The following GULP1 variants were observed in gnomAD, a reference collection of about 807,000 sequenced individuals.
GULP1 encodes GULP PTB domain containing engulfment adaptor 1, also known as PTB domain-containing engulfment adapter protein 1.
GULP1 carries 19 observed loss-of-function variants against 40.9 expected under a neutral mutation model. The observed-to-expected ratio is 0.46, with a 90% confidence interval of 0.32 to 0.68. GULP1 has a LOEUF of 0.68. Among genes scored for constraint, GULP1 ranks in the 30% least tolerant of loss-of-function variants. GULP1 has a pLI of 0.03. For synonymous variants in GULP1, 119 were observed against 117.6 expected, an observed-to-expected ratio of 1.01 and a Z score of -0.08; for missense variants, 312 against 362.2, an observed-to-expected ratio of 0.86 and a Z score of 1.12.
intron 2 of GULP1, among the ~76,000 whole-genome samples, chr2:188,470,535 A>T (rs1208122112): frequency 6.6e-6 from 1 of 151,800 alleles, no homozygotes; most frequent in East Asian, 1.9e-4. Context: ...TTCTTTTTTG[A>T]TGGAGTCACT....
rs554073638 is a variant in GULP1 at position 188,312,443 on chromosome 2, C to T, written c.-172+20277C>T. Among the ~76,000 whole-genome samples, 4 of 152,214 alleles carry T rather than the reference C, an allele frequency of 2.6e-5. No homozygotes were observed. In the South Asian group the frequency reaches 8.3e-4, roughly 32 times the overall value. On this transcript the variant is annotated intron_variant, in intron 1 of 11. Transcript: ENST00000409830. ...TTAGTTTGCTGAGGATGATGGCTTC[C>T]AGCTTCATCCATGTCCCTGCAAAGG...
intron 4 of GULP1, among the ~76,000 whole-genome samples, chr2:188,484,141 C>T (rs1220629761): frequency 6.6e-6 from 1 of 152,058 alleles, no homozygotes; most frequent in African/African-American, 2.4e-5. Context: ...CTCCTGACCT[C>T]AAGTGGTCCA....
chr2:188,332,583 G>A (rs556263935), intron 1 of GULP1, among the ~76,000 whole-genome samples: 2 of 152,214 alleles, frequency 1.3e-5, no homozygotes, highest in South Asian at 4.1e-4. Context: ...TACTATAGCA[G>A]GGGAAGAAAA....
rs1698472436 is a variant in GULP1 at position 188,569,117 on chromosome 2, G to C, written c.400-122G>C. The C allele has an allele frequency of 6.3e-6, 4 of 633,260 alleles. No individual in the cohort carries two copies. The East Asian group carries it at 1.1e-4, about 18-fold the overall frequency. The allele number at this position is 633,260 out of a possible 1,614,324, so 39.2% of individuals were successfully genotyped here. A position where few individuals can be genotyped will look rare whatever the true frequency, so the allele number is the denominator to read the frequency against. On this transcript the variant is annotated intron_variant, in intron 7 of 11. Transcript: ENST00000409830. ...TAATACATCTCTACTCCCAACTGTT[G>C]CCCTTTTGAAGTACCTCTTGTGAAT... is the stretch of plus-strand genomic sequence containing the variant.
At chr2:188,408,150 G>A (rs6737728) in intron 2 of GULP1, among the ~76,000 whole-genome samples, 26,657 of 152,074 alleles carry the variant, frequency 0.18, 2,414 homozygotes, top group East Asian at 0.24. Flanking sequence ...ACAAGCAGCA[G>A]AAGAGAGACC....
At chr2:188,473,112 CTCT>C (rs796467481) in intron 2 of GULP1, among the ~76,000 whole-genome samples, 23 of 152,212 alleles carry the variant, frequency 1.5e-4, no homozygotes, top group African/African-American at 4.8e-4. Flanking sequence ...TTGACCTCTT[CTCT>C]TCTTCTTTTC....
intron 7 of GULP1, among the ~76,000 whole-genome samples, chr2:188,548,752 A>C (rs1395292260): frequency 6.6e-6 from 1 of 151,906 alleles, no homozygotes; most frequent in Non-Finnish European, 1.5e-5. Context: ...AAGAGTGAAC[A>C]TATAAATTAA....
chr2:188,485,315 GA>G (rs2061770213), intron 4 of GULP1, among the ~76,000 whole-genome samples: 1 of 152,002 alleles, frequency 6.6e-6, no homozygotes, highest in South Asian at 2.1e-4. Flanking sequence ...CATTCTACAG[GA>G]AGTAGAGGGT....
At chr2:188,413,930 A>G (rs2054234741) in intron 2 of GULP1, among the ~76,000 whole-genome samples, 1 of 152,128 alleles carries the variant, frequency 6.6e-6, no homozygotes, top group Admixed American at 6.5e-5. Context: ...CCTTGTAAAA[A>G]TGGGTTTAGT....
intron 4 of GULP1, among the ~76,000 whole-genome samples, chr2:188,508,415 C>T (rs950066235): frequency 4.6e-5 from 7 of 152,152 alleles, no homozygotes; most frequent in Middle Eastern, 3.4e-3. Flanking sequence ...AATACTTCCT[C>T]ACTTTTACAA....
At chr2:188,311,694 A>G (rs1160848279) in intron 1 of GULP1, among the ~76,000 whole-genome samples, 1 of 136,158 alleles carries the variant, frequency 7.3e-6, no homozygotes, top group Non-Finnish European at 1.5e-5. Flanking sequence ...GCATTTTATG[A>G]TAAGCATTAT....
At chr2:188,380,293 AC>A in intron 1 of GULP1, among the ~76,000 whole-genome samples, 1 of 152,196 alleles carries the variant, frequency 6.6e-6, no homozygotes, top group South Asian at 2.1e-4. Flanking sequence ...TTAAAGGCAT[AC>A]TAAGGCATGT....
At chr2:188,377,936 C>T (rs1343214402) in intron 1 of GULP1, among the ~76,000 whole-genome samples, 2 of 151,980 alleles carry the variant, frequency 1.3e-5, no homozygotes, top group Non-Finnish European at 2.9e-5. Context: ...GTAATTTGCC[C>T]TATTTTCCAG....
intron 4 of GULP1, among the ~76,000 whole-genome samples, chr2:188,512,934 T>C (rs115764226): frequency 0.012 from 1,846 of 152,272 alleles, 13 homozygotes; most frequent in Non-Finnish European, 0.019. Flanking sequence ...ACTAGCATTT[T>C]AAGAGTCACC....
intron 4 of GULP1, among the ~76,000 whole-genome samples, chr2:188,494,322 C>T (rs2062694101): frequency 6.6e-6 from 1 of 152,044 alleles, no homozygotes; most frequent in South Asian, 2.1e-4. Flanking sequence ...CTCCACATAG[C>T]TACTACTGTC....
chr2:188,434,052 C>T (rs1445210170), intron 2 of GULP1, among the ~76,000 whole-genome samples: 2 of 151,044 alleles, frequency 1.3e-5, no homozygotes. Flanking sequence ...TTGTTTTTTT[C>T]AGGTAGTTTG....
intron 5 of GULP1, among the ~76,000 whole-genome samples, chr2:188,524,652 AAAGTATACT>A (rs1685698844): frequency 6.6e-6 from 1 of 150,816 alleles, no homozygotes; most frequent in South Asian, 2.1e-4. Flanking sequence ...GCTACAATTC[AAAGTATACT>A]AAGAATATTT....
intron 1 of GULP1, among the ~76,000 whole-genome samples, chr2:188,308,594 C>T (rs2037533309): frequency 6.6e-6 from 1 of 152,024 alleles, no homozygotes; most frequent in African/African-American, 2.4e-5. Context: ...TCTGCAAGTT[C>T]AGTAAAAAAG....
At chr2:188,543,916 G>A (rs551193735) in intron 7 of GULP1, among the ~76,000 whole-genome samples, 12 of 151,990 alleles carry the variant, frequency 7.9e-5, no homozygotes, top group African/African-American at 2.7e-4. Context: ...TTTTAGTAAG[G>A]CACAAGACTG....
Sources: gnomAD v4.1 joint callset for allele counts (sites outside exome capture counted in the v4.1 genomes callset) on GRCh38, gnomAD v4.1.1 for gene constraint, MANE v1.5 for transcripts, NCBI Gene and HGNC (gene_info 2026-07-23, HGNC 2026-07-21) for gene names.